Variants in OTOG observed in about 807,000 individuals in gnomAD.
The protein encoded by OTOG is otogelin.
Under a neutral mutation model 313.8 loss-of-function variants are expected in OTOG, and 296 were observed. The ratio of observed to expected loss-of-function variants is 0.94; its 90% CI spans 0.86 to 1.04. OTOG has a LOEUF of 1.04. Among genes scored for constraint, OTOG ranks in the 50% least tolerant of loss-of-function variants. The probability of loss-of-function intolerance (pLI) is 0.00; values close to 1 mark genes in which losing one functional copy is unlikely to be tolerated. For synonymous variants in OTOG, 1,533 were observed against 1,554.9 expected (o/e 0.99, Z 0.33); for missense variants, 3,948 against 3,840.1 (o/e 1.03, Z -0.74).
chr11:17,610,038 G>T lies in OTOG; in HGVS notation c.4738G>T (p.Gly1580Cys). The T allele has an allele frequency of 1.3e-6, 2 of 1,549,572 alleles. No individual in the cohort carries two copies. Among genetic ancestry groups the T allele is most frequent in the South Asian group, 2.4e-5 (2 of 83,988 alleles). Residue 1580 changes from glycine (G) to cysteine (C), a missense_variant, in exon 36 of 56, where the codon GGC (glycine) becomes TGC (cysteine). Coordinates refer to ENST00000399397, the MANE Select transcript of OTOG (RefSeq NM_001292063.2). ...LPVALQTPTP[G>C]MVSGAMETTR... is the part of the protein sequence containing the mutation. The stretch of plus-strand genomic sequence containing the variant: ...TGTTGCACTGCAGACACCCACACCT[G>T]GCATGGTGTCAGGTGCCATGGAGAC...
chr11:17,574,855 G>A lies in OTOG; in HGVS notation c.2429G>A (p.Gly810Asp), dbSNP rs1265090201. The change falls in exon 20 of 56, where the codon GGC (glycine) becomes GAC (aspartate). Residue 810 changes from glycine to aspartate, a missense_variant. By Grantham distance (94) the Gly-to-Asp change is moderately conservative. Transcript: ENST00000399397. ...DDLSRDECVEGCACPPDTYLD... is the reference protein window; with the variant it reads ...DDLSRDECVEDCACPPDTYLD... ...CTGAGCAGAGACGAGTGTGTGGAGG[G>A]CTGTGCCTGCCCACCGGACACCTAT... 4 of 1,546,980 alleles carry A rather than the reference G, an allele frequency of 2.6e-6. No individual in the cohort carries two copies. In the African/African-American group the frequency reaches 5.5e-5, roughly 21 times the overall value.
intron 39 of OTOG, among the ~76,000 whole-genome samples, chr11:17,618,022 C>T (rs1335739591): frequency 2.6e-5 from 4 of 152,006 alleles, no homozygotes; most frequent in East Asian, 1.9e-4. Flanking sequence ...ACACCATTCT[C>T]CTGCCTCAGC....
chr11:17,630,803 G>T (rs952702720), intron 40 of OTOG, among the ~76,000 whole-genome samples: 5 of 152,324 alleles, frequency 3.3e-5, no homozygotes, highest in Admixed American at 3.3e-4. Context: ...GTTGTGGGCA[G>T]GAAAGTGTGT....
intron 39 of OTOG, among the ~76,000 whole-genome samples, chr11:17,625,745 A>G (rs1339362945): frequency 1.3e-5 from 2 of 151,764 alleles, no homozygotes; most frequent in East Asian, 1.9e-4. Context: ...CTCCCATTCT[A>G]TGGGTTGTCT....
At chr11:17,553,648 AC>A in intron 6 of OTOG, 129 bp downstream of exon 6, 1 of 886,974 alleles carries the variant, frequency 1.1e-6, no homozygotes, top group Non-Finnish European at 1.5e-6. Flanking sequence ...CCCAGCTCCC[AC>A]CCAGGCAGTC....
Position 17,559,227 on chromosome 11 carries a change from C to A in OTOG, c.1213+66C>A. ...TGTGGGTGGCATTCTCAGGCCTCAGCTCAATGTCTTGTCCTGCTCAGAATC... is the reference window on the plus strand; with the variant it reads ...TGTGGGTGGCATTCTCAGGCCTCAGATCAATGTCTTGTCCTGCTCAGAATC... On this transcript the variant is annotated intron_variant, in intron 11 of 55. Coordinates refer to ENST00000399397, the MANE Select transcript of OTOG (RefSeq NM_001292063.2). 1.2e-5 allele frequency: 15 copies of A among 1,207,632 alleles called. No homozygotes were observed. In the South Asian group the frequency reaches 2.0e-4, roughly 16 times the overall value. 74.8% of individuals were successfully genotyped at this position (1,207,632 alleles called of 1,614,324 possible).
At chr11:17,643,872 T>C (rs1848022201) in intron 54 of OTOG, among the ~76,000 whole-genome samples, 1 of 152,240 alleles carries the variant, frequency 6.6e-6, no homozygotes, top group South Asian at 2.1e-4. Flanking sequence ...TCAGACGCCC[T>C]GGTCTTGGAG....
At chr11:17,569,100 G>T (rs1193648570) in intron 15 of OTOG, 56 bp from the exon 16 acceptor site, 3 of 1,545,478 alleles carry the variant, frequency 1.9e-6, no homozygotes, top group Non-Finnish European at 2.6e-6. Context: ...GGGCTCTGTT[G>T]TATCCAGCAG....
Position 17,644,980 on chromosome 11 carries a change from G to C in OTOG, c.8462-584G>C, listed in dbSNP as rs562521499. Among the ~76,000 whole-genome samples, 9 of 152,332 alleles carry C rather than the reference G, an allele frequency of 5.9e-5. No individual in the cohort carries two copies. The South Asian group carries it at 1.0e-3, about 18-fold the overall frequency. On this transcript the variant is annotated intron_variant, in intron 54 of 55. Transcript: ENST00000399397. ...GAGCCACAAGACTGGTTGTCTGTGA[G>C]AGGCATGGTCCAGGCAGAGGAAACC...
intron 39 of OTOG, among the ~76,000 whole-genome samples, chr11:17,623,284 T>C (rs1407899295): frequency 1.3e-5 from 2 of 152,096 alleles, no homozygotes; most frequent in Admixed American, 6.6e-5. Context: ...TTTTTTGATA[T>C]TCTCTTTCCT....
intron 54 of OTOG, among the ~76,000 whole-genome samples, chr11:17,644,824 A>G (rs1366640377): frequency 1.3e-5 from 2 of 152,208 alleles, no homozygotes; most frequent in Non-Finnish European, 2.9e-5. Flanking sequence ...CTCGACAAAT[A>G]TAAGCAAGGG....
Position 17,574,750 on chromosome 11 carries a change from G to A in OTOG, c.2324G>A (p.Ser775Asn), listed in dbSNP as rs1852481711. The change falls in exon 20 of 56, where the codon AGC becomes AAC. Residue 775 changes from serine to asparagine, a missense_variant. Ser to Asn is a conservative substitution (Grantham distance 46). Transcript: ENST00000399397. ...TCCTGTGAGGCCTCCAAGGAGTATA[G>A]CCCCTGCGTGGCCCCGTGTGGACGT... ...ALSCEASKEY[S>N]PCVAPCGRTC... 3 of 1,550,666 alleles carry A rather than the reference G, an allele frequency of 1.9e-6. No individual in the cohort carries two copies. Among genetic ancestry groups the A allele is most frequent in the Admixed American group, 3.9e-5 (2 of 50,996 alleles).
chr11:17,590,155 A>G (rs1852897395), intron 24 of OTOG, among the ~76,000 whole-genome samples: 1 of 152,194 alleles, frequency 6.6e-6, no homozygotes, highest in Non-Finnish European at 1.5e-5. Flanking sequence ...CTGTAGTCCA[A>G]TCCATGCTTC....
chr11:17,609,439 G>T (rs1170306352), intron 35 of OTOG, among the ~76,000 whole-genome samples: 2 of 152,042 alleles, frequency 1.3e-5, no homozygotes, highest in Non-Finnish European at 2.9e-5. Flanking sequence ...TGAGAAGGTG[G>T]TGCAGCCAGA....
chr11:17,604,253 A>G (rs529355008), intron 32 of OTOG, among the ~76,000 whole-genome samples: 7 of 152,360 alleles, frequency 4.6e-5, no homozygotes, highest in African/African-American at 1.4e-4. Context: ...CTGCATCTCA[A>G]GGTCTCTGCC....
chr11:17,558,612 C>T lies in OTOG; in HGVS notation c.1071C>T (p.Pro357=). The T allele has an allele frequency of 1.3e-6, 2 of 1,550,384 alleles. No homozygotes were observed. The highest frequency in any genetic ancestry group is 2.4e-5 in the South Asian group (2 of 84,062). ...GCCACGCCTACGTCAGCCCTCTGCC[C>T]TTCACAGCCAGTTGTACCAGTGATC... ...DACHAYVSPL[P]FTASCTSDLC... The change falls in exon 10 of 56, where the codon CCC becomes CCT. Residue 357 remains proline, a synonymous_variant. Transcript: ENST00000399397.
chr11:17,633,672 C>A lies in OTOG; in HGVS notation c.7073-8C>A. The A allele has an allele frequency of 6.6e-7, 1 of 1,518,022 alleles. No homozygotes were observed. The highest frequency in any genetic ancestry group is 1.3e-5 in the South Asian group (1 of 77,726). 94.0% of individuals were successfully genotyped at this position (1,518,022 alleles called of 1,614,324 possible). A position where few individuals can be genotyped will look rare whatever the true frequency, so the allele number is the denominator to read the frequency against. On this transcript the variant is annotated splice_polypyrimidine_tract_variant and splice_region_variant and intron_variant, in intron 42 of 55. Coordinates refer to ENST00000399397, the MANE Select transcript of OTOG (RefSeq NM_001292063.2). ...GAGGTAGGCCTGGTGCCCACTGTGC[C>A]CCTGCAGCCTTCCTGTGCTCCAGCG...
chr11:17,561,264 G>A (rs934995845), intron 14 of OTOG, 127 bp downstream of exon 14: 51 of 1,103,798 alleles, frequency 4.6e-5, no homozygotes, highest in African/African-American at 7.8e-5. Flanking sequence ...GCTACGCCCC[G>A]ACCCCTGTTT....
chr11:17,599,835 T>G (rs1294666137), intron 31 of OTOG, 138 bp downstream of exon 31: 4 of 1,012,128 alleles, frequency 4.0e-6, no homozygotes, highest in Non-Finnish European at 5.9e-6. Context: ...GCCCCCATCA[T>G]GCAGAGAGAG....
Sources: gnomAD v4.1 joint callset for allele counts (sites outside exome capture counted in the v4.1 genomes callset) on GRCh38, gnomAD v4.1.1 for gene constraint, MANE v1.5 for transcripts, NCBI Gene and HGNC (gene_info 2026-07-23, HGNC 2026-07-21) for gene names.